The following CCDC122 variants were observed in gnomAD, a reference collection of about 807,000 sequenced individuals.
CCDC122 encodes the protein coiled-coil domain containing 122.
Under a neutral mutation model 37.0 loss-of-function variants are expected in CCDC122, and 38 were observed. The ratio of observed to expected loss-of-function variants is 1.03; its 90% CI spans 0.79 to 1.35. The LOEUF (loss-of-function observed/expected upper bound fraction) is 1.35, where lower values mean the gene tolerates loss of function less well. CCDC122 is among the 40% of genes most tolerant of loss of function. The pLI, the probability that CCDC122 is intolerant of heterozygous loss-of-function variation, is 0.00. For missense variants in CCDC122, 305 were observed against 310.0 expected, an observed-to-expected ratio of 0.98 and a Z score of 0.12; for synonymous variants, 83 against 95.6, an observed-to-expected ratio of 0.87 and a Z score of 0.77.
intron 6 of CCDC122, among the ~76,000 whole-genome samples, chr13:43,840,344 T>C (rs999127913): frequency 7.9e-5 from 12 of 152,200 alleles, no homozygotes; most frequent in Admixed American, 4.6e-4. Flanking sequence ...GTATGTGTAG[T>C]ATTCCATTAT....
At chr13:43,848,764 T>C (rs1953628015) in intron 6 of CCDC122, 4 of 710,020 alleles carry the variant, frequency 5.6e-6, no homozygotes, top group Non-Finnish European at 6.9e-6. Context: ...GCAAGATTAA[T>C]ATGAGAACCA....
intron 6 of CCDC122, chr13:43,848,610 G>A (rs986273280): frequency 1.3e-5 from 2 of 156,804 alleles, no homozygotes; most frequent in African/African-American, 4.8e-5. Flanking sequence ...TAGATACTGG[G>A]GGGAAGGACA....
Position 43,858,794 on chromosome 13 carries a change from C to A in CCDC122, c.659G>T (p.Arg220Ile). 1 of 1,418,158 alleles carries A rather than the reference C, an allele frequency of 7.1e-7. No individual in the cohort carries two copies. Among genetic ancestry groups the A allele is most frequent in the Non-Finnish European group, 9.5e-7 (1 of 1,053,434 alleles). The allele number at this position is 1,418,158 out of a possible 1,614,324, so 87.8% of individuals were successfully genotyped here. A position where few individuals can be genotyped will look rare whatever the true frequency, so the allele number is the denominator to read the frequency against. The change falls in exon 6 of 7, where the codon AGA becomes ATA. Residue 220 changes from arginine to isoleucine, a missense_variant. Arg to Ile is a moderately conservative substitution (Grantham distance 97). Coordinates refer to ENST00000444614, the MANE Select transcript of CCDC122 (RefSeq NM_144974.5). ...ATTAAGACTTACCTCTATTTCTTTTCTTAATTTTTCATGTGTCTTTTTTTC... is the reference window on the plus strand; with the variant it reads ...ATTAAGACTTACCTCTATTTCTTTTATTAATTTTTCATGTGTCTTTTTTTC... ...EEEKKTHEKL[R>I]KEIEVQHKRY...
At chr13:43,849,399 T>G (rs946194029) in intron 6 of CCDC122, among the ~76,000 whole-genome samples, 19 of 152,192 alleles carry the variant, frequency 1.2e-4, no homozygotes, top group African/African-American at 4.3e-4. Flanking sequence ...TACCTATTCT[T>G]CCTGATAAGT....
At chr13:43,861,171 T>C (rs1954091701) in intron 4 of CCDC122, among the ~76,000 whole-genome samples, 1 of 152,188 alleles carries the variant, frequency 6.6e-6, no homozygotes, top group African/African-American at 2.4e-5. Context: ...TTGCTTTATG[T>C]GTATCTTCTC....
At chr13:43,834,698 T>C (rs1472543700), downstream of CCDC122, among the ~76,000 whole-genome samples, 4 of 152,018 alleles carry the variant, frequency 2.6e-5, no homozygotes, top group East Asian at 1.9e-4. Flanking sequence ...AGCCAAAAGA[T>C]ACATGAAAAA....
At chr13:43,876,192 C>T (rs968311577) in intron 1 of CCDC122, among the ~76,000 whole-genome samples, 1 of 152,192 alleles carries the variant, frequency 6.6e-6, no homozygotes, top group African/African-American at 2.4e-5. Flanking sequence ...TTTTTAGTCA[C>T]CCAGTTAGTG....
At chr13:43,844,810 G>A (rs551816633) in intron 6 of CCDC122, among the ~76,000 whole-genome samples, 49 of 151,954 alleles carry the variant, frequency 3.2e-4, no homozygotes, top group Non-Finnish European at 5.9e-4. Context: ...TGTATTCATC[G>A]TGTATCTTTT....
At chr13:43,847,691 T>C (rs1338550291) in intron 6 of CCDC122, among the ~76,000 whole-genome samples, 1 of 151,606 alleles carries the variant, frequency 6.6e-6, no homozygotes, top group Admixed American at 6.5e-5. Flanking sequence ...AAGAGAATAA[T>C]TAGTTACTAT....
At chr13:43,868,943 C>G in intron 3 of CCDC122, 140 bp from the exon 4 acceptor site, 1 of 537,286 alleles carries the variant, frequency 1.9e-6, no homozygotes, top group East Asian at 3.4e-5. Flanking sequence ...GTAATTTTCC[C>G]TTGCTGATAT....
rs567080257 is a variant in CCDC122 at position 43,877,573 on chromosome 13, G to C, written c.-200+2058C>G. 2.6e-5 allele frequency: 4 copies of C among 152,260 alleles called. No individual in the cohort carries two copies. The South Asian group carries it at 8.3e-4, about 32-fold the overall frequency. 9.4% of individuals were successfully genotyped at this position (152,260 alleles called of 1,614,324 possible). On this transcript the variant is annotated intron_variant, in intron 1 of 6. Coordinates refer to ENST00000444614, the MANE Select transcript of CCDC122 (RefSeq NM_144974.5). ...AAAATGTAAAGAAGCTATTAATTTTGCTTGATGAGGGATGGGGATTCAGGG... is the reference window on the plus strand; with the variant it reads ...AAAATGTAAAGAAGCTATTAATTTTCCTTGATGAGGGATGGGGATTCAGGG...
chr13:43,854,189 C>A (rs1309586794), intron 6 of CCDC122: 1 of 151,944 alleles, frequency 6.6e-6, no homozygotes, highest in Non-Finnish European at 1.5e-5. Context: ...ATCAGTGAAT[C>A]TAGGAGCTGG....
At chr13:43,857,027 T>C (rs1316477456) in intron 6 of CCDC122, among the ~76,000 whole-genome samples, 12 of 152,352 alleles carry the variant, frequency 7.9e-5, no homozygotes, top group Admixed American at 6.5e-4. Flanking sequence ...AAGAATACTG[T>C]ATTAAAATTC....
intron 6 of CCDC122, among the ~76,000 whole-genome samples, chr13:43,851,156 G>T (rs1361419809): frequency 1.3e-5 from 2 of 152,066 alleles, no homozygotes; most frequent in Admixed American, 6.6e-5. Context: ...AAAAATAAAA[G>T]AATGTGTTAC....
chr13:43,824,380 A>T (rs907246627), intron 3 of CCDC122, among the ~76,000 whole-genome samples: 1 of 152,232 alleles, frequency 6.6e-6, no homozygotes, highest in African/African-American at 2.4e-5. Context: ...CGGAACTCCT[A>T]CCTTTCACTA....
At chr13:43,865,349 C>T (rs935587310) in intron 4 of CCDC122, among the ~76,000 whole-genome samples, 19 of 152,040 alleles carry the variant, frequency 1.2e-4, no homozygotes, top group African/African-American at 4.6e-4. Context: ...CTTGTGGGAT[C>T]TGATGCTAAT....
At chr13:43,842,082 A>AT (rs1566942131) in intron 6 of CCDC122, among the ~76,000 whole-genome samples, 11 of 22,014 alleles carry the variant, frequency 5.0e-4, no homozygotes, top group Admixed American at 3.0e-3. Flanking sequence ...AATATTTTTC[A>AT]CTATGGTTAG....
intron 6 of CCDC122, among the ~76,000 whole-genome samples, chr13:43,840,836 A>G (rs1953327141): frequency 6.6e-6 from 1 of 151,674 alleles, no homozygotes; most frequent in Non-Finnish European, 1.5e-5. Flanking sequence ...TAGTGCTGCA[A>G]TAAACATACA....
chr13:43,861,606 A>T (rs376333593), intron 4 of CCDC122, among the ~76,000 whole-genome samples: 1 of 152,060 alleles, frequency 6.6e-6, no homozygotes, highest in East Asian at 1.9e-4. Context: ...TAAATTTGTA[A>T]TGTTAGAGGG....
Sources: gnomAD v4.1 joint callset for allele counts (sites outside exome capture counted in the v4.1 genomes callset) on GRCh38, gnomAD v4.1.1 for gene constraint, MANE v1.5 for transcripts, NCBI Gene and HGNC (gene_info 2026-07-23, HGNC 2026-07-21) for gene names.